NXPH2: variants seen among roughly 807,000 people sequenced by gnomAD.
NXPH2 encodes neurexophilin 2.
In NXPH2, 5 loss-of-function variants were observed where a neutral mutation model predicts 19.8. That is an observed-to-expected ratio of 0.25 (90% CI 0.13 to 0.53). The LOEUF (loss-of-function observed/expected upper bound fraction) is 0.53, where lower values mean the gene tolerates loss of function less well. Among genes scored for constraint, NXPH2 ranks in the 20% least tolerant of loss-of-function variants. The pLI is 0.96. For synonymous variants in NXPH2, 154 were observed against 127.4 expected (o/e 1.21, Z -1.41); for missense variants, 289 against 322.8 (o/e 0.90, Z 0.80).
At chr2:138,712,262 G>A (rs4438427) in intron 1 of NXPH2, among the ~76,000 whole-genome samples, 145,139 of 152,192 alleles carry the variant, frequency 0.95, 69,298 homozygotes, top group East Asian at 1. Flanking sequence ...TCTCTCCCCA[G>A]TGGATAGGCC....
rs62163194 is a variant in NXPH2, at chr2:138,693,604, A to G, written c.52-21939T>C. ...TCTTGATTTTTTTTTTTCATCAAAGATGTGACTCTCTAGAAGCAATAAACT... is the reference window on the plus strand; with the variant it reads ...TCTTGATTTTTTTTTTTCATCAAAGGTGTGACTCTCTAGAAGCAATAAACT... On this transcript the variant is annotated intron_variant, in intron 1 of 1. Transcript: ENST00000272641. 1.6e-3 allele frequency among the ~76,000 whole-genome samples: 246 copies of G among 151,812 alleles called. 1 individual carries two copies. Among genetic ancestry groups the G allele is most frequent in the South Asian group, 6.9e-3 (33 of 4,804 alleles).
intron 1 of NXPH2, among the ~76,000 whole-genome samples, chr2:138,770,767 C>A (rs1027453566): frequency 1.7e-4 from 26 of 151,856 alleles, no homozygotes; most frequent in African/African-American, 6.3e-4. Flanking sequence ...TAATAAAGAA[C>A]AATTGTGCGT....
At chr2:138,699,935 C>T (rs1293846071) in intron 1 of NXPH2, among the ~76,000 whole-genome samples, 4 of 152,176 alleles carry the variant, frequency 2.6e-5, no homozygotes, top group African/African-American at 4.8e-5. Context: ...CCTCAATGCA[C>T]GTTCAATGTA....
chr2:138,697,679 AT>A (rs1680848423), intron 1 of NXPH2, among the ~76,000 whole-genome samples: 1 of 151,738 alleles, frequency 6.6e-6, no homozygotes, highest in South Asian at 2.1e-4. Context: ...TCTCTGTTTC[AT>A]TTTCAGATTA....
At chr2:138,758,897 T>A in intron 1 of NXPH2, among the ~76,000 whole-genome samples, 1 of 152,212 alleles carries the variant, frequency 6.6e-6, no homozygotes, top group South Asian at 2.1e-4. Context: ...TATGCTTATG[T>A]CATGAAAGTG....
At chr2:138,680,800 T>A (rs925852606) in intron 1 of NXPH2, among the ~76,000 whole-genome samples, 2 of 152,230 alleles carry the variant, frequency 1.3e-5, no homozygotes, top group African/African-American at 4.8e-5. Context: ...AACCAATTGA[T>A]CTTGGAATTT....
In NXPH2 at chr2:138,672,365, TC is replaced by T. The variant is rs771774636; in HGVS notation, c.52-701del. On this transcript the variant is annotated intron_variant, in intron 1 of 1. Coordinates refer to ENST00000272641, the MANE Select transcript of NXPH2 (RefSeq NM_007226.3). ...TAAATTTTATTACAACTGAATTATA[TC>T]CTAAAATAATTGCTAAGAAACTGTC... 3.3e-5 allele frequency among the ~76,000 whole-genome samples: 5 copies of T among 152,232 alleles called. No individual in the cohort carries two copies. The East Asian group carries it at 5.8e-4, about 18-fold the overall frequency.
At chr2:138,748,925 C>T (rs539669196) in intron 1 of NXPH2, among the ~76,000 whole-genome samples, 3 of 152,256 alleles carry the variant, frequency 2.0e-5, no homozygotes, top group Admixed American at 1.3e-4. Context: ...AGCAGTTTTG[C>T]ATTTTTGCTT....
intron 1 of NXPH2, among the ~76,000 whole-genome samples, chr2:138,717,186 T>C (rs532109072): frequency 6.6e-6 from 1 of 152,294 alleles, no homozygotes; most frequent in South Asian, 2.1e-4. Context: ...GGATATGTTA[T>C]TAAACGACCA....
At chr2:138,757,101 T>C (rs1681920958) in intron 1 of NXPH2, among the ~76,000 whole-genome samples, 1 of 152,184 alleles carries the variant, frequency 6.6e-6, no homozygotes, top group African/African-American at 2.4e-5. Context: ...TTATAAGAAT[T>C]GTATTGAACA....
chr2:138,749,017 G>A (rs888098356), intron 1 of NXPH2, among the ~76,000 whole-genome samples: 1 of 152,046 alleles, frequency 6.6e-6, no homozygotes, highest in Admixed American at 6.6e-5. Context: ...TTTCATTATG[G>A]CTTTTATTTC....
At chr2:138,714,106 T>C (rs961834690) in intron 1 of NXPH2, among the ~76,000 whole-genome samples, 1 of 152,176 alleles carries the variant, frequency 6.6e-6, no homozygotes, top group Non-Finnish European at 1.5e-5. Context: ...AAATAGCCCA[T>C]TTGTATGGTT....
chr2:138,734,744 C>T (rs1335228113), intron 1 of NXPH2, among the ~76,000 whole-genome samples: 1 of 152,106 alleles, frequency 6.6e-6, no homozygotes, highest in African/African-American at 2.4e-5. Flanking sequence ...AGTATGAAAC[C>T]AGAATGATTC....
chr2:138,720,064 A>G (rs1294866078), intron 1 of NXPH2, among the ~76,000 whole-genome samples: 3 of 152,148 alleles, frequency 2.0e-5, no homozygotes. Context: ...CAAATCATTC[A>G]ATCCAGTATA....
At chr2:138,760,754 A>T (rs1419075770) in intron 1 of NXPH2, among the ~76,000 whole-genome samples, 1 of 152,212 alleles carries the variant, frequency 6.6e-6, no homozygotes, top group Non-Finnish European at 1.5e-5. Flanking sequence ...TTTAGAAACT[A>T]TCCCAGATCA....
intron 1 of NXPH2, among the ~76,000 whole-genome samples, chr2:138,766,381 G>A (rs764870444): frequency 2.2e-4 from 33 of 152,116 alleles, no homozygotes; most frequent in Non-Finnish European, 3.5e-4. Context: ...ACCCACTCCA[G>A]GTCTCAACTG....
intron 1 of NXPH2, among the ~76,000 whole-genome samples, chr2:138,730,530 T>G (rs1483468597): frequency 1.3e-5 from 2 of 152,278 alleles, no homozygotes; most frequent in East Asian, 1.9e-4. Context: ...GGCCCTGAGC[T>G]GCTTGATAAG....
At chr2:138,778,926 T>G (rs1469848950) in intron 1 of NXPH2, among the ~76,000 whole-genome samples, 1 of 152,192 alleles carries the variant, frequency 6.6e-6, no homozygotes, top group East Asian at 1.9e-4. Context: ...GCTGTGCAGG[T>G]GAAGCTAATC....
intron 1 of NXPH2, among the ~76,000 whole-genome samples, chr2:138,704,360 A>C (rs1187265462): frequency 6.6e-6 from 1 of 152,260 alleles, no homozygotes; most frequent in Non-Finnish European, 1.5e-5. Flanking sequence ...CCCTTAAAGA[A>C]GTACAGTCTA....
Sources: gnomAD v4.1 joint callset for allele counts (sites outside exome capture counted in the v4.1 genomes callset) on GRCh38, gnomAD v4.1.1 for gene constraint, MANE v1.5 for transcripts, NCBI Gene and HGNC (gene_info 2026-07-23, HGNC 2026-07-21) for gene names.